Variants in ZIM3 observed in about 807,000 individuals in gnomAD.
ZIM3 encodes the protein zinc finger protein 657.
ZIM3 carries 11 observed loss-of-function variants against 12.9 expected under a neutral mutation model. That is an observed-to-expected ratio of 0.85 (90% CI 0.54 to 1.41). The LOEUF is 1.41. Among genes scored for constraint, ZIM3 ranks in the 40% most tolerant of loss-of-function variants. ZIM3 has a pLI of 0.00. For missense variants in ZIM3, 604 were observed against 557.2 expected (o/e 1.08, Z -0.85); for synonymous variants, 205 against 198.5 (o/e 1.03, Z -0.28).
At chr19:57,137,836 GAGAA>G (rs2086893458) in intron 3 of ZIM3, among the ~76,000 whole-genome samples, 1 of 109,238 alleles carries the variant, frequency 9.2e-6, no homozygotes, top group African/African-American at 4.0e-5. Flanking sequence ...GGGAGGGAGG[GAGAA>G]AGGAAGGAAG....
At position 57,138,076 on chromosome 19, in the gene ZIM3, A is replaced by T. The variant is rs189924712; in HGVS notation, c.142+396T>A. Among the ~76,000 whole-genome samples the T allele has an allele frequency of 5.3e-4, 49 of 92,946 alleles. 2 individuals carry two copies. The East Asian group carries it at 9.7e-3, about 18-fold the overall frequency. 61.0% of individuals were successfully genotyped at this position (92,946 alleles called of 152,430 possible). On this transcript the variant is annotated intron_variant, in intron 3 of 4. Coordinates refer to ENST00000269834, the MANE Select transcript of ZIM3 (RefSeq NM_052882.1). ...GAAAGAAGGAAGGAAGGAAGGAAGG[A>T]AAGAAGGGAGGTAGGAAGGGAGGAA...
intron 2 of ZIM3, among the ~76,000 whole-genome samples, chr19:57,140,766 C>G (rs2086910240): frequency 6.6e-6 from 1 of 152,200 alleles, no homozygotes; most frequent in Admixed American, 6.5e-5. Context: ...GCCACCACAC[C>G]CAGCCTTAGT....
At position 57,135,570 on chromosome 19, in the gene ZIM3, CAT is replaced by C; in HGVS notation, c.765_766del (p.Cys256TrpfsTer12). The C allele has an allele frequency of 6.2e-7, 1 of 1,613,922 alleles. No homozygotes were observed. The highest frequency in any genetic ancestry group is 8.5e-7 in the Non-Finnish European group (1 of 1,179,952). The stretch of plus-strand genomic sequence containing the variant: ...TGATTTCCAGGAAAAGGCTTTTCCA[CAT>C]GTCTTACACTGATAGGGTTTCTCTT... On this transcript the variant is annotated frameshift_variant, in exon 5 of 5. Transcript: ENST00000269834. LOFTEE classifies it low-confidence loss of function (END_TRUNC).
At chr19:57,143,228 G>A (rs1250083721) in intron 1 of ZIM3, among the ~76,000 whole-genome samples, 1 of 152,002 alleles carries the variant, frequency 6.6e-6, no homozygotes, top group Non-Finnish European at 1.5e-5. Context: ...CTACTCGGGA[G>A]GCTGAGGCAG....
In ZIM3 at chr19:57,134,601, C is replaced by G. The variant is rs1195639573; in HGVS notation, c.*317G>C. ...CTGGCCAAAAGTATAGTCTTTTAAA[C>G]GTTTTTAAAGATATGGATACCACTG... is the stretch of plus-strand genomic sequence containing the variant. On this transcript the variant is annotated 3_prime_UTR_variant, in exon 5 of 5. Coordinates refer to ENST00000269834, the MANE Select transcript of ZIM3 (RefSeq NM_052882.1). 4 of 234,182 alleles carry G rather than the reference C, an allele frequency of 1.7e-5. No homozygotes were observed. The allele number at this position is 234,182 out of a possible 1,614,324, so 14.5% of individuals were successfully genotyped here. A position where few individuals can be genotyped will look rare whatever the true frequency, so the allele number is the denominator to read the frequency against.
intron 1 of ZIM3, among the ~76,000 whole-genome samples, chr19:57,144,074 C>T (rs1005041392): frequency 6.6e-6 from 1 of 151,888 alleles, no homozygotes; most frequent in Non-Finnish European, 1.5e-5. Context: ...TTTATTGAGG[C>T]AGGGTCTCAT....
In ZIM3 at chr19:57,145,197, A is replaced by G. The variant is rs893569913; in HGVS notation, c.-381T>C. On this transcript the variant is annotated 5_prime_UTR_variant, in exon 1 of 5. Transcript: ENST00000269834. ...TTCAAATCTGCCCAATCAGTTTCCA[A>G]TGGAATTTTTTTTAAGTTCATGCAA... 5 of 152,194 alleles carry G rather than the reference A, an allele frequency of 3.3e-5. No homozygotes were observed. Among genetic ancestry groups the G allele is most frequent in the Admixed American group, 6.6e-5 (1 of 15,264 alleles). The allele number at this position is 152,194 out of a possible 1,614,324, so 9.4% of individuals were successfully genotyped here. A position where few individuals can be genotyped will look rare whatever the true frequency, so the allele number is the denominator to read the frequency against.
rs2086874826 is a variant in ZIM3 at position 57,134,313 on chromosome 19, CTT to C, written c.*603_*604del. On this transcript the variant is annotated 3_prime_UTR_variant, in exon 5 of 5. Transcript: ENST00000269834. ...CTTATTTTTGAGATGAAATTTTGCT[CTT>C]GTTGCCCAGGCAGGAGTGCAATGGT... 6.6e-6 allele frequency: 1 copy of C among 152,128 alleles called. No homozygotes were observed. Among genetic ancestry groups the C allele is most frequent in the Non-Finnish European group, 1.5e-5 (1 of 68,044 alleles). The allele number at this position is 152,128 out of a possible 1,614,324, so 9.4% of individuals were successfully genotyped here. A position where few individuals can be genotyped will look rare whatever the true frequency, so the allele number is the denominator to read the frequency against.
Position 57,135,020 on chromosome 19 carries a change from T to A in ZIM3, c.1317A>T (p.Lys439Asn). 1.2e-6 allele frequency: 2 copies of A among 1,614,144 alleles called. No homozygotes were observed. The highest frequency in any genetic ancestry group is 1.7e-6 in the Non-Finnish European group (2 of 1,180,018). Reference sequence around the variant, plus strand: ...CATAAGGTTTTTGTCCAGTATGGGTTTTTTTATGCAAACTAAGGTTTAATT... The same window carrying A: ...CATAAGGTTTTTGTCCAGTATGGGTATTTTTATGCAAACTAAGGTTTAATT... ...IRKLNLSLHK[K>N]THTGQKPYGC... Residue 439 changes from lysine (K) to asparagine (N), a missense_variant, in exon 5 of 5, where the codon AAA becomes AAT. Physicochemically the swap from Lys to Asn is moderately conservative, Grantham distance 94 (BLOSUM62 0). Coordinates refer to ENST00000269834, the MANE Select transcript of ZIM3 (RefSeq NM_052882.1).
rs143916594 is a variant in ZIM3, at chr19:57,143,922, G to A, written c.-43+937C>T. Among the ~76,000 whole-genome samples, 505 of 151,958 alleles carry A rather than the reference G, an allele frequency of 3.3e-3. 3 individuals carry two copies. Among genetic ancestry groups the A allele is most frequent in the African/African-American group, 0.01 (427 of 41,440 alleles). ...AGCTGCTGATCTCAAGTGATCCGCC[G>A]GCCTCAGCCTCCCAAAGTGCTGGGA... On this transcript the variant is annotated intron_variant, in intron 1 of 4. Coordinates refer to ENST00000269834, the MANE Select transcript of ZIM3 (RefSeq NM_052882.1).
rs372701407 is a variant in ZIM3, at chr19:57,135,095, G to A, written c.1242C>T (p.Ser414=). The change falls in exon 5 of 5, where the codon AGC becomes AGT. Residue 414 remains serine (S), a synonymous_variant. Coordinates refer to ENST00000269834, the MANE Select transcript of ZIM3 (RefSeq NM_052882.1). The part of the protein sequence containing the change: ...SNLHSHQKTH[S]GERTYRCSEC... ...CACTACATCTATAGGTCCTCTCTCC[G>A]CTATGAGTTTTCTGATGGCTATGAA... 1.8e-5 allele frequency: 29 copies of A among 1,613,974 alleles called. No homozygotes were observed. The Admixed American group carries it at 2.2e-4, about 12-fold the overall frequency.
intron 1 of ZIM3, 77 bp from the exon 2 acceptor site, chr19:57,142,762 C>G (rs2086919219): frequency 8.6e-7 from 1 of 1,163,086 alleles, no homozygotes; most frequent in African/African-American, 1.5e-5. Flanking sequence ...ATAGAATGCT[C>G]CACACCCTGG....
In ZIM3 at chr19:57,135,017, G is replaced by C; in HGVS notation, c.1320C>G (p.Thr440=). 6.2e-7 allele frequency: 1 copy of C among 1,614,014 alleles called. No individual in the cohort carries two copies. ...RKLNLSLHKK[T]HTGQKPYGCS... is the part of the protein sequence containing the mutation. Reference sequence around the variant, plus strand: ...ATCCATAAGGTTTTTGTCCAGTATGGGTTTTTTTATGCAAACTAAGGTTTA... The same window carrying C: ...ATCCATAAGGTTTTTGTCCAGTATGCGTTTTTTTATGCAAACTAAGGTTTA... The change falls in exon 5 of 5, where the codon ACC becomes ACG. Residue 440 remains threonine, a synonymous_variant. Coordinates refer to ENST00000269834, the MANE Select transcript of ZIM3 (RefSeq NM_052882.1).
In ZIM3 at chr19:57,136,957, T is replaced by A; in HGVS notation, c.157A>T (p.Thr53Ser). 1 of 1,614,144 alleles carries A rather than the reference T, an allele frequency of 6.2e-7. No individual in the cohort carries two copies. Among genetic ancestry groups the A allele is most frequent in the Non-Finnish European group, 8.5e-7 (1 of 1,180,016 alleles). ...AACCTCAAGATCACATCGGGTTTGGTGGTTTCCCCTTGTCCTGTGATGGAA... is the reference window on the plus strand; with the variant it reads ...AACCTCAAGATCACATCGGGTTTGGAGGTTTCCCCTTGTCCTGTGATGGAA... The part of the protein sequence containing the change: ...NLVSVGQGET[T>S]KPDVILRLEQ... The change falls in exon 4 of 5, where the codon ACC becomes TCC. Residue 53 changes from threonine to serine, a missense_variant. Transcript: ENST00000269834.
intron 1 of ZIM3, among the ~76,000 whole-genome samples, chr19:57,143,881 G>A (rs1191462197): frequency 1.3e-5 from 2 of 151,790 alleles, no homozygotes; most frequent in Non-Finnish European, 2.9e-5. Context: ...TTACCATGTT[G>A]TTCAGGCTGG....
chr19:57,139,010 C>A (rs1309437653), intron 2 of ZIM3, among the ~76,000 whole-genome samples: 2 of 151,924 alleles, frequency 1.3e-5, no homozygotes, highest in Admixed American at 1.3e-4. Context: ...GGGAACATAG[C>A]AAAACCCCTA....
chr19:57,142,849 T>G (rs10426157), intron 1 of ZIM3, among the ~76,000 whole-genome samples, 164 bp from the exon 2 acceptor site: 86,488 of 151,910 alleles, frequency 0.57, 26,932 homozygotes, highest in South Asian at 0.79. Flanking sequence ...TCTTTTTTTT[T>G]TTTGTTTTGG....
Position 57,134,824 on chromosome 19 carries a change from A to C in ZIM3, c.*94T>G. 7.7e-7 allele frequency: 1 copy of C among 1,303,316 alleles called. No individual in the cohort carries two copies. The highest frequency in any genetic ancestry group is 1.1e-6 in the Non-Finnish European group (1 of 942,202). The allele number at this position is 1,303,316 out of a possible 1,614,324, so 80.7% of individuals were successfully genotyped here. A position where few individuals can be genotyped will look rare whatever the true frequency, so the allele number is the denominator to read the frequency against. On this transcript the variant is annotated 3_prime_UTR_variant, in exon 5 of 5. Coordinates refer to ENST00000269834, the MANE Select transcript of ZIM3 (RefSeq NM_052882.1). ...ATAAGTCCTCGCTACCTTCAAAAAT[A>C]GCCTCCAAATTAGAGGCCATTTCAA...
chr19:57,142,140 AG>A (rs1394842451), intron 2 of ZIM3, among the ~76,000 whole-genome samples: 2 of 119,512 alleles, frequency 1.7e-5, no homozygotes, highest in Non-Finnish European at 3.2e-5. Context: ...TCCGTAACCA[AG>A]CTTTTTTTTT....
Sources: gnomAD v4.1 joint callset for allele counts (sites outside exome capture counted in the v4.1 genomes callset) on GRCh38, gnomAD v4.1.1 for gene constraint, MANE v1.5 for transcripts, NCBI Gene and HGNC (gene_info 2026-07-23, HGNC 2026-07-21) for gene names.